Variants in CKAP2L observed in about 807,000 individuals in gnomAD.
CKAP2L encodes cytoskeleton associated protein 2L, also known as cytoskeleton-associated protein 2-like.
CKAP2L carries 42 observed loss-of-function variants against 65.7 expected under a neutral mutation model. The ratio of observed to expected loss-of-function variants is 0.64; its 90% CI spans 0.50 to 0.83. The LOEUF (loss-of-function observed/expected upper bound fraction) is 0.83. CKAP2L is among the 40% of genes least tolerant of loss of function. The probability of loss-of-function intolerance (pLI) is 0.00; values close to 1 mark genes in which losing one functional copy is unlikely to be tolerated. For synonymous variants in CKAP2L, 325 were observed against 313.5 expected, an observed-to-expected ratio of 1.04 and a Z score of -0.39; for missense variants, 908 against 871.0, an observed-to-expected ratio of 1.04 and a Z score of -0.53.
chr2:112,762,454 G>C, intron 2 of CKAP2L, 49 bp downstream of exon 2: 1 of 1,424,262 alleles, frequency 7.0e-7, no homozygotes, highest in Non-Finnish European at 9.9e-7. Context: ...TAAATTGCTA[G>C]TACAAAGAAG....
In CKAP2L at chr2:112,756,835, A is replaced by T; in HGVS notation, c.536T>A (p.Phe179Tyr). 1 of 1,601,480 alleles carries T rather than the reference A, an allele frequency of 6.2e-7. No homozygotes were observed. Among genetic ancestry groups the T allele is most frequent in the African/African-American group, 1.4e-5 (1 of 73,942 alleles). The change falls in exon 4 of 9, where the codon TTT (phenylalanine) becomes TAT (tyrosine). Residue 179 changes from phenylalanine (F) to tyrosine (Y), a missense_variant. By Grantham distance (22) the Phe-to-Tyr change is conservative. Coordinates refer to ENST00000302450, the MANE Select transcript of CKAP2L (RefSeq NM_152515.5). ...IHVENESLDN[F>Y]LKETNKENLL... ...GTTCTCTTTGTTTGTTTCTTTTAGA[A>T]AGTTATCCAAAGATTCGTTTTCAAC...
Position 112,761,505 on chromosome 2 carries a change from C to T in CKAP2L, c.105-741G>A, listed in dbSNP as rs1405111281. Among the ~76,000 whole-genome samples the T allele has an allele frequency of 1.0e-4, 15 of 143,584 alleles. No homozygotes were observed. The East Asian group carries it at 3.0e-3, about 29-fold the overall frequency. 94.2% of individuals were successfully genotyped at this position (143,584 alleles called of 152,430 possible). On this transcript the variant is annotated intron_variant, in intron 2 of 8. Transcript: ENST00000302450. ...AAAAAAATTTCCTTGTTTTCAGTAT[C>T]TTCAAATACTATCTCTTCTAACTTT...
rs544438334 is a variant in CKAP2L at position 112,764,440 on chromosome 2, A to C, written c.37+122T>G. 8.0e-4 allele frequency: 885 copies of C among 1,108,054 alleles called. 7 individuals carry two copies. The highest frequency in any genetic ancestry group is 6.1e-3 in the South Asian group (482 of 78,980). The allele number at this position is 1,108,054 out of a possible 1,614,324, so 68.6% of individuals were successfully genotyped here. ...TGCGCTCCCGGGATGGAAAACGCCCAGGGGAAACTTAGGCAGGCGAGCGGA... is the reference window on the plus strand; with the variant it reads ...TGCGCTCCCGGGATGGAAAACGCCCCGGGGAAACTTAGGCAGGCGAGCGGA... On this transcript the variant is annotated intron_variant, in intron 1 of 8. Coordinates refer to ENST00000302450, the MANE Select transcript of CKAP2L (RefSeq NM_152515.5).
chr2:112,742,265 G>T, intron 7 of CKAP2L: 1 of 664,868 alleles, frequency 1.5e-6, no homozygotes, highest in South Asian at 1.7e-5. Flanking sequence ...TCTTCTAAAG[G>T]TTATGACCAC....
Position 112,756,348 on chromosome 2 carries a change from C to G in CKAP2L, c.1023G>C (p.Gln341His). Residue 341 changes from glutamine (Q) to histidine (H), a missense_variant, in exon 4 of 9, where the codon CAG (glutamine) becomes CAC (histidine). Physicochemically the swap from Gln to His is conservative, Grantham distance 24. Transcript: ENST00000302450. ...TKPRTYPSLL[Q>H]GEYNNRHPNI... ...TTGGATGTCTGTTGTTATATTCACC[C>G]TGAAGCAAACTGGGGTATGTTCTGG... 1 of 1,613,528 alleles carries G rather than the reference C, an allele frequency of 6.2e-7. No homozygotes were observed. The highest frequency in any genetic ancestry group is 8.5e-7 in the Non-Finnish European group (1 of 1,179,724).
Position 112,760,748 on chromosome 2 carries a change from T to C in CKAP2L, c.121A>G (p.Lys41Glu), listed in dbSNP as rs773016086. 8 of 1,518,866 alleles carry C rather than the reference T, an allele frequency of 5.3e-6. No individual in the cohort carries two copies. The Admixed American group carries it at 1.5e-4, about 28-fold the overall frequency. The allele number at this position is 1,518,866 out of a possible 1,614,324, so 94.1% of individuals were successfully genotyped here. The change falls in exon 3 of 9, where the codon AAG becomes GAG. Residue 41 changes from lysine to glutamate, a missense_variant. By Grantham distance (56) the Lys-to-Glu change is moderately conservative (BLOSUM62 1). Transcript: ENST00000302450. ...GGTGGTTGATTCTGGCAATTATTCT[T>C]GGATTTTAGATAAGGCCTATAAAAG... ...SQNTKPYLKSKNNCQNQPPSK... is the reference protein window; with the variant it reads ...SQNTKPYLKSENNCQNQPPSK...
Position 112,740,828 on chromosome 2 carries a change from G to C in CKAP2L, c.2002C>G (p.Pro668Ala). Residue 668 changes from proline to alanine, a missense_variant, in exon 8 of 9, where the codon CCA becomes GCA. Physicochemically the swap from Pro to Ala is conservative, Grantham distance 27. Transcript: ENST00000302450. ...TTAGAGTTTGCTTACCTAGGGATTG[G>C]ACCAATCTGTAATTTGATACCAGGA... The part of the protein sequence containing the change: ...NYPGIKLQIG[P>A]IPRINGMPEV... 6.2e-7 allele frequency: 1 copy of C among 1,610,226 alleles called. No homozygotes were observed. The highest frequency in any genetic ancestry group is 1.1e-5 in the South Asian group (1 of 90,866).
rs1164943939 is a variant in CKAP2L at position 112,736,900 on chromosome 2, G to A, written c.*1923C>T. The A allele has an allele frequency of 1.3e-5, 2 of 152,048 alleles. No homozygotes were observed. Among genetic ancestry groups the A allele is most frequent in the African/African-American group, 4.8e-5 (2 of 41,378 alleles). The allele number at this position is 152,048 out of a possible 1,614,324, so 9.4% of individuals were successfully genotyped here. A position where few individuals can be genotyped will look rare whatever the true frequency, so the allele number is the denominator to read the frequency against. ...GAATAACACTGCCACAAACATGTGA[G>A]TGCAGATATCTTTATGAGGTGATGA... On this transcript the variant is annotated 3_prime_UTR_variant, in exon 9 of 9. Transcript: ENST00000302450.
chr2:112,745,584 T>C (rs1186943456), intron 6 of CKAP2L, among the ~76,000 whole-genome samples: 1 of 152,168 alleles, frequency 6.6e-6, no homozygotes, highest in African/African-American at 2.4e-5. Context: ...GGTTTCACCA[T>C]GTTAGCCAAA....
In CKAP2L at chr2:112,756,419, T is replaced by A; in HGVS notation, c.952A>T (p.Ile318Leu). 1 of 1,614,064 alleles carries A rather than the reference T, an allele frequency of 6.2e-7. No individual in the cohort carries two copies. The highest frequency in any genetic ancestry group is 1.1e-5 in the South Asian group (1 of 91,048). Residue 318 changes from isoleucine (I) to leucine (L), a missense_variant, in exon 4 of 9, where the codon ATA becomes TTA. Ile to Leu is a conservative substitution (Grantham distance 5). Transcript: ENST00000302450. ...TGTTCAGTAACAGGGTATGACCGTA[T>A]CTTAGTTTCATTTGGTCTTTCATAT... ...SQYERPNETK[I>L]RSYPVTEQRV...
At chr2:112,746,655 G>A in intron 5 of CKAP2L, 80 bp from the exon 6 acceptor site, 1 of 1,086,594 alleles carries the variant, frequency 9.2e-7, no homozygotes, top group Non-Finnish European at 1.3e-6. Context: ...TATTACAGCA[G>A]GTATGCAGAA....
At chr2:112,745,540 C>T (rs999004527) in intron 6 of CKAP2L, among the ~76,000 whole-genome samples, 8 of 152,058 alleles carry the variant, frequency 5.3e-5, no homozygotes, top group East Asian at 3.9e-4. Flanking sequence ...CCACCACGCC[C>T]GGCTAACTTT....
At position 112,756,761 on chromosome 2, in the gene CKAP2L, A is replaced by G. The variant is rs756625382; in HGVS notation, c.610T>C (p.Tyr204His). 1 of 1,602,370 alleles carries G rather than the reference A, an allele frequency of 6.2e-7. No individual in the cohort carries two copies. Residue 204 changes from tyrosine to histidine, a missense_variant, in exon 4 of 9, where the codon TAT becomes CAT. Transcript: ENST00000302450. ...TCAGTCTTTGGCTTACTTCTGGTAT[A>G]TAATTTAGGATCTGGCTTCCTCTCA... Reference protein sequence around the residue: ...EPERKPDPKLYTRSKPKTDSY... With the variant: ...EPERKPDPKLHTRSKPKTDSY...
chr2:112,740,390 T>C (rs1218146553), intron 8 of CKAP2L, among the ~76,000 whole-genome samples: 2 of 152,228 alleles, frequency 1.3e-5, no homozygotes, highest in African/African-American at 2.4e-5. Flanking sequence ...TAAATTACTA[T>C]GGATTCTGCC....
At chr2:112,746,329 G>A in intron 6 of CKAP2L, 91 bp downstream of exon 6, 1 of 1,083,510 alleles carries the variant, frequency 9.2e-7, no homozygotes, top group Non-Finnish European at 1.3e-6. Flanking sequence ...TATTGATGTT[G>A]CAAACTTCTA....
chr2:112,747,723 A>G (rs1680247334), intron 5 of CKAP2L, among the ~76,000 whole-genome samples: 1 of 152,238 alleles, frequency 6.6e-6, no homozygotes, highest in Non-Finnish European at 1.5e-5. Context: ...GGGGAGACGC[A>G]AAGGTAAGTT....
intron 1 of CKAP2L, 110 bp downstream of exon 1, chr2:112,764,452 G>T: frequency 8.1e-7 from 1 of 1,227,856 alleles, no homozygotes; most frequent in Non-Finnish European, 1.2e-6. Flanking sequence ...GGGAAACTTA[G>T]GCAGGCGAGC....
intron 4 of CKAP2L, 21 bp from the exon 5 acceptor site, chr2:112,752,495 G>A: frequency 6.8e-7 from 1 of 1,479,118 alleles, no homozygotes; most frequent in Non-Finnish European, 9.3e-7. Flanking sequence ...ATTAAAGGGA[G>A]AGTGGTTTTA....
intron 4 of CKAP2L, among the ~76,000 whole-genome samples, chr2:112,752,937 C>T (rs998912765): frequency 6.6e-6 from 1 of 152,152 alleles, no homozygotes; most frequent in South Asian, 2.1e-4. Context: ...AGTTCCTTAG[C>T]CCTCTCTTGA....
Sources: allele counts gnomAD v4.1 joint callset (sites outside exome capture counted in the v4.1 genomes callset), GRCh38; gene constraint gnomAD v4.1.1; transcripts MANE v1.5; gene names NCBI Gene and HGNC (gene_info 2026-07-23, HGNC 2026-07-21).